MAP3K15: variants seen among roughly 807,000 people sequenced by gnomAD.
MAP3K15 encodes the protein mitogen-activated protein kinase kinase kinase 15, also known as MAPK/ERK kinase kinase 15.
MAP3K15 carries 124 observed loss-of-function variants against 99.5 expected under a neutral mutation model. That is an observed-to-expected ratio of 1.25 (90% CI 1.08 to 1.45). The LOEUF (loss-of-function observed/expected upper bound fraction) is 1.45. Among genes scored for constraint, MAP3K15 ranks in the 40% most tolerant of loss-of-function variants. The probability of loss-of-function intolerance (pLI) is 0.00; values close to 1 mark genes in which losing one functional copy is unlikely to be tolerated. For missense variants in MAP3K15, 1,242 were observed against 1,079.7 expected, an observed-to-expected ratio of 1.15 and a Z score of -2.11; for synonymous variants, 494 against 439.6, an observed-to-expected ratio of 1.12 and a Z score of -1.55.
intron 12 of MAP3K15, among the ~76,000 whole-genome samples, chrX:19,408,231 G>A (rs766279869): frequency 8.9e-6 from 1 of 111,767 alleles, no homozygotes; most frequent in Non-Finnish European, 1.9e-5. Flanking sequence ...AGGATGATAC[G>A]CCCTCAGGCC....
intron 6 of MAP3K15, among the ~76,000 whole-genome samples, chrX:19,453,788 A>G (rs2147348134): frequency 8.9e-6 from 1 of 112,162 alleles, no homozygotes; most frequent in African/African-American, 3.2e-5. Flanking sequence ...AGATGTCATC[A>G]TTTTTCTACA....
At chrX:19,488,757 G>A in intron 2 of MAP3K15, 71 bp downstream of exon 2, 2 of 1,026,991 alleles carry the variant, frequency 1.9e-6, no homozygotes, top group Non-Finnish European at 2.7e-6. Context: ...GTGCTACTGT[G>A]GCATTTCAGC....
rs758023431 is a variant in MAP3K15 at position 19,496,987 on chromosome X, T to C, written c.362-8020A>G. On this transcript the variant is annotated intron_variant, in intron 1 of 28. Transcript: ENST00000338883. ...GAACTTGCCCCTTCTAATTTCCTTT[T>C]TTTCATGTACCAATTTCCTTTTTCG... 2.7e-5 allele frequency: 3 copies of C among 110,683 alleles called. No individual in the cohort carries two copies. The East Asian group carries it at 8.5e-4, about 31-fold the overall frequency. 9.1% of individuals were successfully genotyped at this position (110,683 alleles called of 1,213,427 possible).
At chrX:19,424,285 T>C (rs12392672) in intron 9 of MAP3K15, among the ~76,000 whole-genome samples, 7 of 102,982 alleles carry the variant, frequency 6.8e-5, no homozygotes, top group Non-Finnish European at 1.2e-4. Flanking sequence ...TATACACACA[T>C]ATATATACAC....
At chrX:19,478,667 C>T (rs1185908617) in intron 3 of MAP3K15, among the ~76,000 whole-genome samples, 1 of 109,689 alleles carries the variant, frequency 9.1e-6, no homozygotes, top group African/African-American at 3.3e-5. Flanking sequence ...ATGAGTTTCT[C>T]TTAAATCTCA....
Position 19,398,424 on chromosome X carries a change from C to T in MAP3K15, c.1933-65G>A. The T allele has an allele frequency of 2.7e-6, 3 of 1,120,014 alleles. No homozygotes were observed. The South Asian group carries it at 5.9e-5, about 22-fold the overall frequency. The allele number at this position is 1,120,014 out of a possible 1,213,427, so 92.3% of individuals were successfully genotyped here. Reference sequence around the variant, plus strand: ...TTGTAGCGGAGAAGCCCTCTAAGGCCCCCAGAGTTGTCTAGCAACTAAAAA... The same window carrying T: ...TTGTAGCGGAGAAGCCCTCTAAGGCTCCCAGAGTTGTCTAGCAACTAAAAA... On this transcript the variant is annotated intron_variant, in intron 14 of 28. Coordinates refer to ENST00000338883, the MANE Select transcript of MAP3K15 (RefSeq NM_001001671.4).
At chrX:19,489,348 C>T (rs1283390014) in intron 1 of MAP3K15, among the ~76,000 whole-genome samples, 2 of 111,475 alleles carry the variant, frequency 1.8e-5, no homozygotes, top group Admixed American at 1.9e-4. Context: ...TACCTGCACT[C>T]AGGGTCCCAT....
intron 6 of MAP3K15, among the ~76,000 whole-genome samples, chrX:19,440,992 G>A (rs1367340617): frequency 3.6e-5 from 4 of 111,775 alleles, no homozygotes; most frequent in Non-Finnish European, 5.6e-5. Context: ...AGTCAAAAGT[G>A]CAAACAACTC....
In MAP3K15 at chrX:19,368,500, T is replaced by C. The variant is rs751731032; in HGVS notation, c.3566+554A>G. ...GAAGTGAACAAAACAGACCAGTGCA[T>C]TGGAGGAATATGATGGTGATGCCAG... On this transcript the variant is annotated intron_variant, in intron 25 of 28. Transcript: ENST00000338883. 8.0e-5 allele frequency among the ~76,000 whole-genome samples: 9 copies of C among 113,006 alleles called. No homozygotes were observed. In the East Asian group the frequency reaches 2.5e-3, roughly 31 times the overall value.
At chrX:19,483,448 C>G (rs1371203220) in intron 3 of MAP3K15, among the ~76,000 whole-genome samples, 1 of 111,313 alleles carries the variant, frequency 9.0e-6, no homozygotes, top group Non-Finnish European at 1.9e-5. Context: ...AAAGAGATCT[C>G]AATGCATCTT....
At chrX:19,455,177 G>A (rs749552645) in intron 6 of MAP3K15, among the ~76,000 whole-genome samples, 1 of 110,548 alleles carries the variant, frequency 9.0e-6, no homozygotes, top group African/African-American at 3.3e-5. Flanking sequence ...TGTCTAACAG[G>A]AGATAATCAG....
chrX:19,483,791 T>C (rs2064306870), intron 3 of MAP3K15, among the ~76,000 whole-genome samples: 1 of 111,983 alleles, frequency 8.9e-6, no homozygotes, highest in African/African-American at 3.3e-5. Flanking sequence ...AGTTGCAAGA[T>C]GTCCATTCTG....
chrX:19,479,489 A>G (rs1382921822), intron 3 of MAP3K15, among the ~76,000 whole-genome samples: 1 of 111,562 alleles, frequency 9.0e-6, no homozygotes, highest in Middle Eastern at 4.6e-3. Flanking sequence ...AGCCATCCCA[A>G]AGGCATCCCT....
At chrX:19,386,410 C>T (rs754000933) in intron 18 of MAP3K15, among the ~76,000 whole-genome samples, 13 of 111,473 alleles carry the variant, frequency 1.2e-4, no homozygotes, top group Admixed American at 1.9e-4. Context: ...GAGCCATGAA[C>T]GCGCCACTGC....
At chrX:19,436,247 T>C (rs1448092245) in intron 6 of MAP3K15, among the ~76,000 whole-genome samples, 1 of 111,133 alleles carries the variant, frequency 9.0e-6, no homozygotes, top group East Asian at 2.8e-4. Flanking sequence ...GTGCTTCTCA[T>C]GCTGGACTTT....
At chrX:19,489,882 A>G (rs889404460) in intron 1 of MAP3K15, among the ~76,000 whole-genome samples, 24 of 110,401 alleles carry the variant, frequency 2.2e-4, no homozygotes, top group Admixed American at 2.1e-3. Context: ...CTAAAAATAC[A>G]AAAATTAGTT....
At chrX:19,441,733 C>G (rs1279384519) in intron 6 of MAP3K15, among the ~76,000 whole-genome samples, 2 of 112,161 alleles carry the variant, frequency 1.8e-5, no homozygotes, top group Non-Finnish European at 3.8e-5. Flanking sequence ...GCTGGGATTA[C>G]AGGTGTGAGC....
intron 25 of MAP3K15, among the ~76,000 whole-genome samples, chrX:19,365,178 T>C (rs60078369): frequency 0.22 from 23,610 of 105,446 alleles, 5,001 homozygotes; most frequent in African/African-American, 0.67. Flanking sequence ...CACTGCACTC[T>C]AGCCTGGGCA....
intron 6 of MAP3K15, among the ~76,000 whole-genome samples, chrX:19,439,776 T>A (rs1281692105): frequency 8.9e-6 from 1 of 112,370 alleles, no homozygotes; most frequent in Non-Finnish European, 1.9e-5. Flanking sequence ...GCCTATGGTA[T>A]GTAAGTTACA....
Sources: allele counts gnomAD v4.1 joint callset (sites outside exome capture counted in the v4.1 genomes callset), GRCh38; gene constraint gnomAD v4.1.1; transcripts MANE v1.5; gene names NCBI Gene and HGNC (gene_info 2026-07-23, HGNC 2026-07-21).